The following SEMA3D variants were observed in gnomAD, a reference collection of about 807,000 sequenced individuals.
SEMA3D encodes semaphorin 3D, also known as semaphorin-3D.
Under a neutral mutation model 100.1 loss-of-function variants are expected in SEMA3D, and 84 were observed. That is an observed-to-expected ratio of 0.84 (90% CI 0.70 to 1.01). SEMA3D has a LOEUF of 1.01. SEMA3D is among the 50% of genes least tolerant of loss of function. The probability of loss-of-function intolerance (pLI) is 0.00; values close to 1 mark genes in which losing one functional copy is unlikely to be tolerated. For missense variants in SEMA3D, 875 were observed against 934.1 expected (o/e 0.94, Z 0.82); for synonymous variants, 312 against 320.7 (o/e 0.97, Z 0.29).
chr7:85,076,822 G>A lies in SEMA3D; in HGVS notation c.376-3741C>T, dbSNP rs1004641619. The stretch of plus-strand genomic sequence containing the variant: ...TAAAATCTTTAAAATAGGGCTGTGC[G>A]CGGTGGCTCACGCCTGTAATCCCAA... On this transcript the variant is annotated intron_variant, in intron 5 of 18. Transcript: ENST00000284136. Among the ~76,000 whole-genome samples, 11 of 152,226 alleles carry A rather than the reference G, an allele frequency of 7.2e-5. No individual in the cohort carries two copies. The South Asian group carries it at 1.9e-3, about 26-fold the overall frequency.
At chr7:85,136,464 C>T (rs1371536950) in intron 2 of SEMA3D, among the ~76,000 whole-genome samples, 1 of 152,028 alleles carries the variant, frequency 6.6e-6, no homozygotes, top group African/African-American at 2.4e-5. Flanking sequence ...TTAAAGCAAG[C>T]TTATATCATC....
chr7:85,175,073 A>T (rs1791189885), intron 1 of SEMA3D, among the ~76,000 whole-genome samples: 1 of 152,192 alleles, frequency 6.6e-6, no homozygotes, highest in African/African-American at 2.4e-5. Context: ...ATACAAAAGA[A>T]TGATTGTTCA....
At chr7:85,006,685 C>T (rs969011741) in intron 18 of SEMA3D, 117 bp downstream of exon 18, 1 of 814,312 alleles carries the variant, frequency 1.2e-6, no homozygotes, top group African/African-American at 1.8e-5. Context: ...TGAGTAAAAC[C>T]TGTTATTTTT....
intron 12 of SEMA3D, among the ~76,000 whole-genome samples, chr7:85,027,328 G>C (rs918180322): frequency 2.0e-5 from 3 of 152,000 alleles, no homozygotes; most frequent in African/African-American, 7.2e-5. Context: ...TATATCTCAA[G>C]TTTGGAGGTT....
chr7:85,055,842 T>C lies in SEMA3D; in HGVS notation c.736A>G (p.Thr246Ala), dbSNP rs200110536. 5.5e-5 allele frequency: 86 copies of C among 1,561,736 alleles called. 2 individuals carry two copies. The East Asian group carries it at 1.5e-3, about 27-fold the overall frequency. ...TTGTAGGTGTCTGGTATGAAGAAAG[T>C]TCCAATAAATTTTGCTCCTGTTTGA... ...YWLNGAKFIG[T>A]FFIPDTYNPD... The change falls in exon 9 of 19, where the codon ACT (threonine) becomes GCT (alanine). Residue 246 changes from threonine (T) to alanine (A), a missense_variant. Physicochemically the swap from Thr to Ala is moderately conservative, Grantham distance 58. Coordinates refer to ENST00000284136, the MANE Select transcript of SEMA3D (RefSeq NM_001384900.1).
At chr7:85,042,404 C>T in intron 9 of SEMA3D, 119 bp from the exon 10 acceptor site, 1 of 703,344 alleles carries the variant, frequency 1.4e-6, no homozygotes, top group South Asian at 1.8e-5. Context: ...GACACTGAAC[C>T]CAGATATTGA....
intron 11 of SEMA3D, among the ~76,000 whole-genome samples, chr7:85,038,312 T>C (rs1376141727): frequency 6.6e-6 from 1 of 152,154 alleles, no homozygotes; most frequent in Non-Finnish European, 1.5e-5. Context: ...TGAGAGGTAA[T>C]GGTAAATAGG....
At position 85,186,131 on chromosome 7, in the gene SEMA3D, C is replaced by T. The variant is rs147557703; in HGVS notation, c.-173+547G>A. The stretch of plus-strand genomic sequence containing the variant: ...CAACAAAAACCACCACGCTTCCCTT[C>T]CTTCTTCCTTGCCCCTTTCCCTTCT... On this transcript the variant is annotated intron_variant, in intron 1 of 18. Coordinates refer to ENST00000284136, the MANE Select transcript of SEMA3D (RefSeq NM_001384900.1). Among the ~76,000 whole-genome samples the T allele has an allele frequency of 5.0e-4, 76 of 152,332 alleles. No homozygotes were observed. The East Asian group carries it at 6.6e-3, about 13-fold the overall frequency.
intron 2 of SEMA3D, among the ~76,000 whole-genome samples, chr7:85,125,738 C>T (rs2116416310): frequency 6.6e-6 from 1 of 152,034 alleles, no homozygotes; most frequent in South Asian, 2.1e-4. Flanking sequence ...GGTTAAACGT[C>T]TTGCCAACAA....
At chr7:85,231,702 A>G in the SEMA3D span, among the ~76,000 whole-genome samples, 81 of 152,160 alleles carry the variant, frequency 5.3e-4, no homozygotes, top group East Asian at 6.4e-3. Context: ...CGCCCCCCTC[A>G]GCCTCCCAAA....
At chr7:85,073,840 C>T (rs764718781) in intron 5 of SEMA3D, among the ~76,000 whole-genome samples, 14 of 152,100 alleles carry the variant, frequency 9.2e-5, no homozygotes, top group African/African-American at 1.9e-4. Flanking sequence ...ACTTTTTTTA[C>T]ACCAAGTCAA....
In SEMA3D at chr7:85,146,573, A is replaced by T. The variant is rs926415253; in HGVS notation, c.-41+7035T>A. Among the ~76,000 whole-genome samples the T allele has an allele frequency of 2.6e-5, 4 of 151,492 alleles. No individual in the cohort carries two copies. In the South Asian group the frequency reaches 6.2e-4, roughly 24 times the overall value. ...CATCTAAAAAAAAATATATATATAT[A>T]TTTTTTACTTAACAATTCTGCATTT... On this transcript the variant is annotated intron_variant, in intron 2 of 18. Transcript: ENST00000284136.
chr7:85,148,143 T>A (rs1053599652), intron 2 of SEMA3D, among the ~76,000 whole-genome samples: 1 of 152,048 alleles, frequency 6.6e-6, no homozygotes, highest in Non-Finnish European at 1.5e-5. Flanking sequence ...ATGGAAAAAA[T>A]GAATAAGTAA....
At chr7:85,213,830 T>C in the SEMA3D span, among the ~76,000 whole-genome samples, 1 of 152,322 alleles carries the variant, frequency 6.6e-6, no homozygotes, top group Middle Eastern at 3.4e-3. Context: ...TCATTTTGTT[T>C]GTGCATTATT....
At chr7:85,049,388 A>G (rs1791096313) in intron 9 of SEMA3D, among the ~76,000 whole-genome samples, 1 of 151,866 alleles carries the variant, frequency 6.6e-6, no homozygotes, top group Admixed American at 6.6e-5. Context: ...ATTATTGGAA[A>G]TACAGGACTG....
At chr7:85,131,806 T>C (rs1406459629) in intron 2 of SEMA3D, among the ~76,000 whole-genome samples, 1 of 151,954 alleles carries the variant, frequency 6.6e-6, no homozygotes, top group Non-Finnish European at 1.5e-5. Context: ...TAATTCAGTG[T>C]TCTAGTCTCC....
intron 4 of SEMA3D, among the ~76,000 whole-genome samples, chr7:85,090,301 C>A (rs1029945497): frequency 2.6e-5 from 4 of 152,148 alleles, no homozygotes; most frequent in Non-Finnish European, 5.9e-5. Context: ...AACATCCTGA[C>A]AGTCCATTAC....
the SEMA3D span, among the ~76,000 whole-genome samples, chr7:85,223,830 G>T: frequency 1.3e-5 from 2 of 151,722 alleles, no homozygotes; most frequent in Non-Finnish European, 2.9e-5. Flanking sequence ...CAGGTGATGG[G>T]TGCATCAAAA....
chr7:85,245,584 G>A, the SEMA3D span, among the ~76,000 whole-genome samples: 3 of 152,058 alleles, frequency 2.0e-5, no homozygotes, highest in Non-Finnish European at 2.9e-5. Context: ...CCCATCCTCA[G>A]TATACACATG....
Sources: gnomAD v4.1 joint callset for allele counts (sites outside exome capture counted in the v4.1 genomes callset) on GRCh38, gnomAD v4.1.1 for gene constraint, MANE v1.5 for transcripts, NCBI Gene and HGNC (gene_info 2026-07-23, HGNC 2026-07-21) for gene names.